BRIX1: variants seen among roughly 807,000 people sequenced by gnomAD.
BRIX1 encodes the protein biogenesis of ribosomes BRX1, also known as ribosome biogenesis protein BRX1 homolog.
In BRIX1, 15 loss-of-function variants were observed where a neutral mutation model predicts 44.0. The ratio of observed to expected loss-of-function variants is 0.34; its 90% CI spans 0.23 to 0.53. BRIX1 has a LOEUF of 0.53. BRIX1 is among the 20% of genes least tolerant of loss of function. The pLI, the probability that BRIX1 is intolerant of heterozygous loss-of-function variation, is 0.95. For synonymous variants in BRIX1, 149 were observed against 135.4 expected (o/e 1.10, Z -0.70); for missense variants, 420 against 432.8 (o/e 0.97, Z 0.26).
At chr5:34,923,263 CT>C (rs752022954) in intron 8 of BRIX1, 29 bp downstream of exon 8, 157 of 1,454,754 alleles carry the variant, frequency 1.1e-4, no homozygotes, top group East Asian at 1.4e-4. Flanking sequence ...TTAATTATAC[CT>C]TTTTTTTAAT....
chr5:34,915,962 T>C, intron 1 of BRIX1, 65 bp downstream of exon 1: 1 of 1,465,946 alleles, frequency 6.8e-7, no homozygotes, highest in Non-Finnish European at 9.0e-7. Context: ...CTTGGGTTAC[T>C]TACTTGACTA....
chr5:34,919,334 G>A (rs942604847), intron 2 of BRIX1, among the ~76,000 whole-genome samples: 25 of 149,828 alleles, frequency 1.7e-4, no homozygotes, highest in African/African-American at 5.9e-4. Context: ...GCCATCATAT[G>A]GCTGTTGTTG....
At chr5:34,915,927 G>C in intron 1 of BRIX1, 30 bp downstream of exon 1, 2 of 1,509,746 alleles carry the variant, frequency 1.3e-6, no homozygotes, top group Non-Finnish European at 1.8e-6. Flanking sequence ...GGCTACACCT[G>C]CGGCGGCGGC....
In BRIX1 at chr5:34,919,824, T is replaced by C. The variant is rs1307210677; in HGVS notation, c.272-16T>C. The C allele has an allele frequency of 2.2e-6, 2 of 912,740 alleles. No homozygotes were observed. The highest frequency in any genetic ancestry group is 2.8e-5 in the East Asian group (1 of 35,380). 56.5% of individuals were successfully genotyped at this position (912,740 alleles called of 1,614,324 possible). A position where few individuals can be genotyped will look rare whatever the true frequency, so the allele number is the denominator to read the frequency against. ...ACCTTTAATTTACTTGCTTTTTCTT[T>C]TTTTTCTTTTTCTAGATACTAAAAT... On this transcript the variant is annotated splice_polypyrimidine_tract_variant and intron_variant, in intron 2 of 9. Coordinates refer to ENST00000336767, the MANE Select transcript of BRIX1 (RefSeq NM_018321.4).
intron 1 of BRIX1, among the ~76,000 whole-genome samples, chr5:34,917,437 G>C (rs1764139146): frequency 6.6e-6 from 1 of 151,628 alleles, no homozygotes; most frequent in Non-Finnish European, 1.5e-5. Context: ...TTCAAGACCA[G>C]CCTGGCCAAG....
Position 34,925,949 on chromosome 5 carries a change from T to C in BRIX1, c.*454T>C, listed in dbSNP as rs1224471671. ...GAAGAACCAACCCCTGATCTGTCAC[T>C]TCAAAAAAGAGTATATTAAAATGTT... On this transcript the variant is annotated 3_prime_UTR_variant, in exon 10 of 10. Transcript: ENST00000336767. The C allele has an allele frequency of 1.3e-5, 2 of 152,854 alleles. No individual in the cohort carries two copies. The highest frequency in any genetic ancestry group is 4.8e-5 in the African/African-American group (2 of 41,450). The allele number at this position is 152,854 out of a possible 1,614,324, so 9.5% of individuals were successfully genotyped here. A position where few individuals can be genotyped will look rare whatever the true frequency, so the allele number is the denominator to read the frequency against.
chr5:34,917,089 AG>A (rs1764123211), intron 1 of BRIX1, among the ~76,000 whole-genome samples: 1 of 152,176 alleles, frequency 6.6e-6, no homozygotes, highest in East Asian at 1.9e-4. Flanking sequence ...TGCATATCAG[AG>A]GAAGTGTAGA....
chr5:34,925,577 T>C lies in BRIX1; in HGVS notation c.*82T>C, dbSNP rs1764361357. The C allele has an allele frequency of 1.7e-6, 2 of 1,195,310 alleles. No individual in the cohort carries two copies. The highest frequency in any genetic ancestry group is 5.2e-5 in the East Asian group (2 of 38,740). 74.0% of individuals were successfully genotyped at this position (1,195,310 alleles called of 1,614,324 possible). On this transcript the variant is annotated 3_prime_UTR_variant, in exon 10 of 10. Coordinates refer to ENST00000336767, the MANE Select transcript of BRIX1 (RefSeq NM_018321.4). ...TGTAAATACTTTTATTATCTAATAC[T>C]ATCTTACGTCTAATTAGTGTAGCAT...
chr5:34,923,309 C>T (rs925817113), intron 8 of BRIX1, 75 bp downstream of exon 8: 29 of 1,218,102 alleles, frequency 2.4e-5, no homozygotes, highest in South Asian at 1.5e-4. Flanking sequence ...GACAGAGTCT[C>T]GCTCTTGTTG....
chr5:34,919,274 CAAAA>C (rs71299559), intron 2 of BRIX1, among the ~76,000 whole-genome samples: 3 of 35,964 alleles, frequency 8.3e-5, no homozygotes, highest in African/African-American at 2.2e-4. Context: ...GACCCTGTCT[CAAAA>C]AAAAAAAAAA....
Position 34,923,145 on chromosome 5 carries a change from C to A in BRIX1, c.574C>A (p.Pro192Thr). The A allele has an allele frequency of 6.2e-7, 1 of 1,613,302 alleles. No individual in the cohort carries two copies. The highest frequency in any genetic ancestry group is 8.5e-7 in the Non-Finnish European group (1 of 1,179,230). The stretch of plus-strand genomic sequence containing the variant: ...CTTTTTTAACTAGATCTTTAGTACA[C>A]CACGGTATCATCCCAAAAGCCAACC... Reference protein sequence around the residue: ...KELLIQIFSTPRYHPKSQPFV... With the variant: ...KELLIQIFSTTRYHPKSQPFV... The change falls in exon 8 of 10, where the codon CCA becomes ACA. Residue 192 changes from proline to threonine, a missense_variant. Pro to Thr is a conservative substitution (Grantham distance 38, BLOSUM62 -1). Coordinates refer to ENST00000336767, the MANE Select transcript of BRIX1 (RefSeq NM_018321.4).
At chr5:34,918,168 G>T (rs941677333) in intron 1 of BRIX1, 196 bp from the exon 2 acceptor site, 14 of 374,598 alleles carry the variant, frequency 3.7e-5, no homozygotes, top group Non-Finnish European at 5.8e-5. Flanking sequence ...AAACTAGCTG[G>T]ACATGGTGGC....
intron 3 of BRIX1, 87 bp downstream of exon 3, chr5:34,919,970 A>G (rs1209665492): frequency 1.7e-6 from 1 of 573,936 alleles, no homozygotes. Flanking sequence ...TGACTTTAAA[A>G]ATTATTTTGT....
intron 9 of BRIX1, 89 bp downstream of exon 9, chr5:34,925,064 G>C: frequency 6.6e-7 from 1 of 1,506,868 alleles, no homozygotes; most frequent in South Asian, 1.3e-5. Context: ...TTTATTACCT[G>C]TGAAACTGAA....
In BRIX1 at chr5:34,925,008, G is replaced by A; in HGVS notation, c.792+33G>A. Reference sequence around the variant, plus strand: ...GTTGTGTCATTCAGTAGTCTTCAATGTACCAGAACCCTTTGGCCAAAATGA... The same window carrying A: ...GTTGTGTCATTCAGTAGTCTTCAATATACCAGAACCCTTTGGCCAAAATGA... On this transcript the variant is annotated intron_variant, in intron 9 of 9. Coordinates refer to ENST00000336767, the MANE Select transcript of BRIX1 (RefSeq NM_018321.4). The A allele has an allele frequency of 3.1e-6, 5 of 1,597,924 alleles. No homozygotes were observed. The South Asian group carries it at 5.6e-5, about 18-fold the overall frequency.
At position 34,925,822 on chromosome 5, in the gene BRIX1, A is replaced by T. The variant is rs2111991490; in HGVS notation, c.*327A>T. The T allele has an allele frequency of 9.4e-6, 2 of 211,894 alleles. No individual in the cohort carries two copies. The highest frequency in any genetic ancestry group is 9.0e-5 in the South Asian group (1 of 11,142). The allele number at this position is 211,894 out of a possible 1,614,324, so 13.1% of individuals were successfully genotyped here. On this transcript the variant is annotated 3_prime_UTR_variant, in exon 10 of 10. Transcript: ENST00000336767. ...GTCATATTATTTGTAAAAGCATTCA[A>T]CACTTCAAGAGCATCGGTTGTGGAT...
chr5:34,923,007 G>C lies in BRIX1; in HGVS notation c.517G>C (p.Asp173His), dbSNP rs1476412340. 6.5e-7 allele frequency: 1 copy of C among 1,531,036 alleles called. No homozygotes were observed. Among genetic ancestry groups the C allele is most frequent in the South Asian group, 1.1e-5 (1 of 88,266 alleles). 94.8% of individuals were successfully genotyped at this position (1,531,036 alleles called of 1,614,324 possible). A position where few individuals can be genotyped will look rare whatever the true frequency, so the allele number is the denominator to read the frequency against. Residue 173 changes from aspartate (D) to histidine (H), a missense_variant, in exon 7 of 10, where the codon GAT becomes CAT. Asp to His is a moderately conservative substitution (Grantham distance 81). Coordinates refer to ENST00000336767, the MANE Select transcript of BRIX1 (RefSeq NM_018321.4). ...RPLLSFDPAF[D>H]ELPHYALLKE... The stretch of plus-strand genomic sequence containing the variant: ...GCTTACCTTATTTTTATAGGCTTTT[G>C]ATGAATTACCACATTATGCTTTGTT...
rs1251967763 is a variant in BRIX1, at chr5:34,925,983, G to C, written c.*488G>C. 6.6e-6 allele frequency: 1 copy of C among 152,320 alleles called. No homozygotes were observed. Among genetic ancestry groups the C allele is most frequent in the African/African-American group, 2.4e-5 (1 of 41,444 alleles). The allele number at this position is 152,320 out of a possible 1,614,324, so 9.4% of individuals were successfully genotyped here. ...GAGTATATTAAAATGTTGAGGTTTT[G>C]AGAATCAAATGCATTAATGGCTGTG... On this transcript the variant is annotated 3_prime_UTR_variant, in exon 10 of 10. Coordinates refer to ENST00000336767, the MANE Select transcript of BRIX1 (RefSeq NM_018321.4).
intron 1 of BRIX1, among the ~76,000 whole-genome samples, chr5:34,917,516 T>C (rs901490778): frequency 6.7e-6 from 1 of 150,254 alleles, no homozygotes; most frequent in African/African-American, 2.4e-5. Flanking sequence ...GGCGGGCACC[T>C]GTAATCCCAG....
Sources: gnomAD v4.1 joint callset for allele counts (sites outside exome capture counted in the v4.1 genomes callset) on GRCh38, gnomAD v4.1.1 for gene constraint, MANE v1.5 for transcripts, NCBI Gene and HGNC (gene_info 2026-07-23, HGNC 2026-07-21) for gene names.